The following MGLL variants were observed in gnomAD, a reference collection of about 807,000 sequenced individuals.
MGLL encodes monoglyceride lipase.
Under a neutral mutation model 29.1 loss-of-function variants are expected in MGLL, and 7 were observed. The ratio of observed to expected loss-of-function variants is 0.24; its 90% CI spans 0.14 to 0.45. The LOEUF (loss-of-function observed/expected upper bound fraction) is 0.45. Ranked by LOEUF, MGLL falls within the 20% of genes least tolerant of loss-of-function variation. The pLI, the probability that MGLL is intolerant of heterozygous loss-of-function variation, is 0.99. For synonymous variants in MGLL, 148 were observed against 168.3 expected (o/e 0.88, Z 0.93); for missense variants, 356 against 413.6 (o/e 0.86, Z 1.21).
rs1252383260 is a variant in MGLL at position 127,711,461 on chromosome 3, A to G, written c.511-796T>C. On this transcript the variant is annotated intron_variant, in intron 5 of 7. Coordinates refer to ENST00000265052, the MANE Select transcript of MGLL (RefSeq NM_007283.7). ...CTGGATCTCTTGTTTTCCCAGGAAA[A>G]CAGAGAACCCGGATCTCACACTTCT... The G allele has an allele frequency of 2.0e-5, 3 of 152,414 alleles. No individual in the cohort carries two copies. In the East Asian group the frequency reaches 5.8e-4, roughly 29 times the overall value. The allele number at this position is 152,414 out of a possible 1,614,324, so 9.4% of individuals were successfully genotyped here.
intron 3 of MGLL, among the ~76,000 whole-genome samples, chr3:127,744,765 C>A (rs6787155): frequency 0.79 from 120,892 of 152,106 alleles, 48,130 homozygotes; most frequent in African/African-American, 0.83. Flanking sequence ...CCGCCGGACA[C>A]GGTTTAATAG....
In MGLL at chr3:127,822,299, C is replaced by T. The variant is rs753768086; in HGVS notation, c.10+10G>A. 6.2e-7 allele frequency: 1 copy of T among 1,612,696 alleles called. No homozygotes were observed. Among genetic ancestry groups the T allele is most frequent in the Non-Finnish European group, 8.5e-7 (1 of 1,178,680 alleles). ...CCTCCCATCTGAAATTCCAAGGATA[C>T]ATGACAAACCTGTTTCCATTATGTG... On this transcript the variant is annotated intron_variant, in intron 1 of 7. Transcript: ENST00000265052.
intron 2 of MGLL, among the ~76,000 whole-genome samples, chr3:127,816,022 G>A (rs990882631): frequency 2.0e-5 from 3 of 152,222 alleles, no homozygotes; most frequent in Admixed American, 6.5e-5. Flanking sequence ...TGCGAGGGGC[G>A]CTGAGCAGGA....
chr3:127,812,636 A>G (rs11922836), intron 2 of MGLL, among the ~76,000 whole-genome samples: 18,863 of 152,204 alleles, frequency 0.12, 3,818 homozygotes, highest in African/African-American at 0.42. Flanking sequence ...GTGGGCAATC[A>G]ACAAGCCTGG....
chr3:127,767,502 G>A (rs915580990), intron 3 of MGLL, among the ~76,000 whole-genome samples: 1 of 152,236 alleles, frequency 6.6e-6, no homozygotes, highest in Non-Finnish European at 1.5e-5. Context: ...TCAAGGGCAG[G>A]AGCATTGTCT....
chr3:127,764,009 C>G (rs2076812490), intron 3 of MGLL, among the ~76,000 whole-genome samples: 1 of 152,222 alleles, frequency 6.6e-6, no homozygotes, highest in Non-Finnish European at 1.5e-5. Context: ...AGGCGCTCCT[C>G]CAGCTTCTCG....
intron 3 of MGLL, among the ~76,000 whole-genome samples, chr3:127,744,117 C>T (rs1365782967): frequency 6.6e-6 from 1 of 152,114 alleles, no homozygotes; most frequent in Non-Finnish European, 1.5e-5. Context: ...CACATTTCGA[C>T]TCAGAATTTT....
chr3:127,775,763 G>C (rs2077024984), intron 3 of MGLL, among the ~76,000 whole-genome samples: 1 of 152,196 alleles, frequency 6.6e-6, no homozygotes, highest in South Asian at 2.1e-4. Flanking sequence ...AAGTCAGGAG[G>C]CTGCTCCCTG....
rs748397076 is a variant in MGLL at position 127,695,056 on chromosome 3, C to G, written c.735G>C (p.Gln245His). ...PKLTVPFLLL[Q>H]GSADRLCDSK... is the part of the protein sequence containing the mutation. ...TGTCACATAGGCGATCGGCAGAGCC[C>G]TGGAGCAGCAGGAAGGGCACAGTCA... The change falls in exon 7 of 8, where the codon CAG (glutamine) becomes CAC (histidine). Residue 245 changes from glutamine to histidine, a missense_variant. Coordinates refer to ENST00000265052, the MANE Select transcript of MGLL (RefSeq NM_007283.7). 6.2e-7 allele frequency: 1 copy of G among 1,614,122 alleles called. No individual in the cohort carries two copies. Among genetic ancestry groups the G allele is most frequent in the Non-Finnish European group, 8.5e-7 (1 of 1,180,014 alleles).
intron 3 of MGLL, among the ~76,000 whole-genome samples, chr3:127,773,833 A>T (rs1466959917): frequency 1.3e-5 from 2 of 151,780 alleles, no homozygotes; most frequent in Admixed American, 6.6e-5. Flanking sequence ...GTGTCTCTCC[A>T]CTCTGCTCAG....
rs939395861 is a variant in MGLL at position 127,691,622 on chromosome 3, A to T, written c.*576T>A. ...TGCAAAGCCTGGTCTCAGGCTAACA[A>T]GGAGCCCACAAAGTCATGGGTGGCT... On this transcript the variant is annotated 3_prime_UTR_variant, in exon 8 of 8. Coordinates refer to ENST00000265052, the MANE Select transcript of MGLL (RefSeq NM_007283.7). 1 of 159,256 alleles carries T rather than the reference A, an allele frequency of 6.3e-6. No individual in the cohort carries two copies. The highest frequency in any genetic ancestry group is 1.4e-5 in the Non-Finnish European group (1 of 72,358). 9.9% of individuals were successfully genotyped at this position (159,256 alleles called of 1,614,324 possible). A position where few individuals can be genotyped will look rare whatever the true frequency, so the allele number is the denominator to read the frequency against.
chr3:127,730,480 C>G (rs772229161), intron 3 of MGLL, among the ~76,000 whole-genome samples: 2 of 152,214 alleles, frequency 1.3e-5, no homozygotes, highest in Non-Finnish European at 2.9e-5. Flanking sequence ...GGCAGCCTCT[C>G]CTTGAGGTCC....
intron 3 of MGLL, among the ~76,000 whole-genome samples, chr3:127,724,199 CT>C (rs2075989318): frequency 6.6e-6 from 1 of 152,160 alleles, no homozygotes; most frequent in African/African-American, 2.4e-5. Context: ...TAAACCCCAA[CT>C]CCCCTTTCCT....
At chr3:127,736,130 A>C in intron 3 of MGLL, 1 of 1,119,942 alleles carries the variant, frequency 8.9e-7, no homozygotes, top group South Asian at 4.3e-5. Flanking sequence ...AGGGTCAGTC[A>C]AACCTAATAA....
intron 4 of MGLL, among the ~76,000 whole-genome samples, chr3:127,721,909 G>A (rs2075933737): frequency 6.6e-6 from 1 of 152,160 alleles, no homozygotes; most frequent in African/African-American, 2.4e-5. Context: ...TAAGGACCCC[G>A]ATTTAAGATT....
At chr3:127,754,403 C>T (rs967505853) in intron 3 of MGLL, among the ~76,000 whole-genome samples, 1 of 152,206 alleles carries the variant, frequency 6.6e-6, no homozygotes, top group Non-Finnish European at 1.5e-5. Context: ...AAGTGCCTTC[C>T]AGGACTGCAA....
At chr3:127,797,647 AC>A (rs1408493650) in intron 2 of MGLL, among the ~76,000 whole-genome samples, 1 of 152,164 alleles carries the variant, frequency 6.6e-6, no homozygotes, top group Non-Finnish European at 1.5e-5. Context: ...TTCTTCTGTC[AC>A]CCAGGCTGGA....
intron 3 of MGLL, among the ~76,000 whole-genome samples, chr3:127,739,280 G>A (rs1470532447): frequency 2.0e-5 from 3 of 152,282 alleles, no homozygotes; most frequent in South Asian, 4.2e-4. Context: ...TGCAAATTGA[G>A]GGTAGTGAAA....
intron 3 of MGLL, among the ~76,000 whole-genome samples, chr3:127,775,737 G>A (rs545441201): frequency 6.6e-6 from 1 of 152,222 alleles, no homozygotes. Context: ...TCCTGGAGCC[G>A]AGAGTGCGTG....
Sources: allele counts gnomAD v4.1 joint callset (sites outside exome capture counted in the v4.1 genomes callset), GRCh38; gene constraint gnomAD v4.1.1; transcripts MANE v1.5; gene names NCBI Gene and HGNC (gene_info 2026-07-23, HGNC 2026-07-21).